Variants in NOL4L observed in about 807,000 individuals in gnomAD.
NOL4L encodes nucleolar protein 4-like.
NOL4L carries 7 observed loss-of-function variants against 64.5 expected under a neutral mutation model. That is an observed-to-expected ratio of 0.11 (90% CI 0.06 to 0.20). The LOEUF (loss-of-function observed/expected upper bound fraction) is 0.20. NOL4L is among the 10% of genes least tolerant of loss of function. NOL4L has a pLI of 1.00. For missense variants in NOL4L, 680 were observed against 967.1 expected, an observed-to-expected ratio of 0.70 and a Z score of 3.94; for synonymous variants, 413 against 401.0, an observed-to-expected ratio of 1.03 and a Z score of -0.36.
intron 4 of NOL4L, among the ~76,000 whole-genome samples, chr20:32,478,110 G>A (rs1413565567): frequency 6.6e-6 from 1 of 152,086 alleles, no homozygotes; most frequent in East Asian, 1.9e-4. Flanking sequence ...CCCAGAGCCT[G>A]CATCACACTG....
At chr20:32,466,340 A>C (rs886364630) in intron 5 of NOL4L, among the ~76,000 whole-genome samples, 3 of 151,750 alleles carry the variant, frequency 2.0e-5, no homozygotes, top group Non-Finnish European at 4.4e-5. Context: ...CATCCCAGAC[A>C]AGGCCAGGGC....
At chr20:32,553,328 C>G (rs370755405) in intron 1 of NOL4L, among the ~76,000 whole-genome samples, 1 of 152,162 alleles carries the variant, frequency 6.6e-6, no homozygotes, top group Non-Finnish European at 1.5e-5. Context: ...CACTCACCCC[C>G]ACACCCAGGG....
intron 5 of NOL4L, among the ~76,000 whole-genome samples, chr20:32,469,412 T>C (rs1045508099): frequency 1.1e-3 from 173 of 152,108 alleles, no homozygotes; most frequent in African/African-American, 3.9e-3. Context: ...CTCTTGTTAC[T>C]CAGGCTGGAG....
intron 1 of NOL4L, among the ~76,000 whole-genome samples, chr20:32,558,726 G>A (rs1011771753): frequency 1.3e-5 from 2 of 152,206 alleles, no homozygotes; most frequent in Non-Finnish European, 2.9e-5. Flanking sequence ...GGGCCTGGCC[G>A]GGCCTTGCAG....
chr20:32,447,516 CCAACTGGTGAGG>C lies in NOL4L; in HGVS notation c.*68_*79del, dbSNP rs1410410874. 1.4e-6 allele frequency: 2 copies of C among 1,477,842 alleles called. No homozygotes were observed. Among genetic ancestry groups the C allele is most frequent in the African/African-American group, 1.4e-5 (1 of 70,856 alleles). 91.5% of individuals were successfully genotyped at this position (1,477,842 alleles called of 1,614,324 possible). ...CCACCTCTTTCAAAAACAAAATGTA[CCAACTGGTGAGG>C]CAGGAAGCCAGGTCCAGGCTGGGAC... is the stretch of plus-strand genomic sequence containing the variant. On this transcript the variant is annotated 3_prime_UTR_variant, in exon 11 of 11. Coordinates refer to ENST00000621426, the MANE Select transcript of NOL4L (RefSeq NM_001256798.2).
chr20:32,559,546 G>A (rs1460101831), intron 1 of NOL4L, among the ~76,000 whole-genome samples: 2 of 152,186 alleles, frequency 1.3e-5, no homozygotes, highest in African/African-American at 4.8e-5. Flanking sequence ...CTTGAGGTAG[G>A]AATGTTATTA....
At chr20:32,513,679 A>G (rs2017513795) in intron 3 of NOL4L, among the ~76,000 whole-genome samples, 1 of 152,114 alleles carries the variant, frequency 6.6e-6, no homozygotes, top group Non-Finnish European at 1.5e-5. Flanking sequence ...CCTGGGAAAC[A>G]TAGTGAGTCC....
At chr20:32,475,274 TCCTC>T (rs1455997295) in intron 4 of NOL4L, 1 of 985,462 alleles carries the variant, frequency 1.0e-6, no homozygotes, top group East Asian at 1.1e-4. Flanking sequence ...GTTTCTGTCT[TCCTC>T]CTTCCTAACC....
At chr20:32,491,840 G>T (rs747225026) in intron 4 of NOL4L, among the ~76,000 whole-genome samples, 2 of 152,208 alleles carry the variant, frequency 1.3e-5, no homozygotes, top group Non-Finnish European at 2.9e-5. Flanking sequence ...AGTAGGCTGG[G>T]CATGGTGGCT....
Position 32,456,277 on chromosome 20 carries a change from G to A in NOL4L, c.960C>T (p.Ala320=), listed in dbSNP as rs2013510001. The A allele has an allele frequency of 6.3e-7, 1 of 1,591,582 alleles. No individual in the cohort carries two copies. The highest frequency in any genetic ancestry group is 8.6e-7 in the Non-Finnish European group (1 of 1,168,694). ...FPEMNGNGAV[A]PMDFTTAAED... ...CGGCGGCCGTGGTGAAGTCCATGGG[G>A]GCCACGGCGCCGTTGCCATTCATCT... The change falls in exon 6 of 11, where the codon GCC becomes GCT. Residue 320 remains alanine, a synonymous_variant. Transcript: ENST00000621426.
intron 4 of NOL4L, among the ~76,000 whole-genome samples, chr20:32,476,236 C>CACACACAT (rs3221068): frequency 2.6e-5 from 4 of 151,482 alleles, no homozygotes; most frequent in Admixed American, 6.6e-5. Context: ...CACACACACA[C>CACACACAT]GTTCAAAAGG....
intron 3 of NOL4L, among the ~76,000 whole-genome samples, chr20:32,516,889 C>A (rs2017690358): frequency 6.6e-6 from 1 of 152,244 alleles, no homozygotes; most frequent in Non-Finnish European, 1.5e-5. Context: ...TGGCTACTCC[C>A]AGTTTGCAAC....
At chr20:32,556,184 CTG>C (rs567192816) in intron 1 of NOL4L, among the ~76,000 whole-genome samples, 6 of 152,186 alleles carry the variant, frequency 3.9e-5, no homozygotes, top group African/African-American at 1.4e-4. Context: ...CTGCCTCCCT[CTG>C]TGTCTCTATT....
intron 5 of NOL4L, among the ~76,000 whole-genome samples, chr20:32,457,462 A>ACCCCCACCCCCCCCC (rs2013655198): frequency 1.6e-5 from 1 of 61,550 alleles, no homozygotes; most frequent in African/African-American, 6.1e-5. Flanking sequence ...GCCGGACCCC[A>ACCCCCACCCCCCCCC]CCCCCACCCT....
intron 1 of NOL4L, among the ~76,000 whole-genome samples, chr20:32,578,579 C>G (rs1013529356): frequency 6.6e-6 from 1 of 152,184 alleles, no homozygotes; most frequent in Non-Finnish European, 1.5e-5. Flanking sequence ...CAGACGGGGT[C>G]TCACCATGTC....
Position 32,511,535 on chromosome 20 carries a change from C to T in NOL4L, c.590-79G>A, listed in dbSNP as rs373459958. The stretch of plus-strand genomic sequence containing the variant: ...CCCACATGGAGCATTTAACAGAGCC[C>T]GTGGAAGAGGAAGCCACCTTGGAGG... On this transcript the variant is annotated intron_variant, in intron 3 of 10. Coordinates refer to ENST00000621426, the MANE Select transcript of NOL4L (RefSeq NM_001256798.2). 1.8e-5 allele frequency: 18 copies of T among 1,016,906 alleles called. No homozygotes were observed. In the Admixed American group the frequency reaches 2.7e-4, roughly 15 times the overall value. The allele number at this position is 1,016,906 out of a possible 1,614,324, so 63.0% of individuals were successfully genotyped here.
At chr20:32,454,101 G>A (rs529707856) in intron 6 of NOL4L, 7 of 256,740 alleles carry the variant, frequency 2.7e-5, no homozygotes, top group Non-Finnish European at 5.3e-5. Flanking sequence ...CGTGTACAGG[G>A]GAAAGGCAGA....
chr20:32,489,903 C>T (rs2145516397), intron 4 of NOL4L, among the ~76,000 whole-genome samples: 1 of 152,076 alleles, frequency 6.6e-6, no homozygotes, highest in South Asian at 2.1e-4. Flanking sequence ...CCGAGGTGGG[C>T]AGATCACTTC....
chr20:32,574,698 T>G (rs1056599377), intron 1 of NOL4L, among the ~76,000 whole-genome samples: 3 of 152,062 alleles, frequency 2.0e-5, no homozygotes, highest in African/African-American at 7.2e-5. Context: ...CAGGAGCTTG[T>G]GTCGGGTCCC....
Sources: gnomAD v4.1 joint callset for allele counts (sites outside exome capture counted in the v4.1 genomes callset) on GRCh38, gnomAD v4.1.1 for gene constraint, MANE v1.5 for transcripts, NCBI Gene and HGNC (gene_info 2026-07-23, HGNC 2026-07-21) for gene names.